SLC38A6: variants seen among roughly 807,000 people sequenced by gnomAD.
SLC38A6 encodes solute carrier family 38 member 6.
A neutral mutation model predicts 65.0 loss-of-function variants in SLC38A6; 73 were observed. That is an observed-to-expected ratio of 1.12 (90% CI 0.93 to 1.37). SLC38A6 has a LOEUF of 1.37. Among genes scored for constraint, SLC38A6 ranks in the 40% most tolerant of loss-of-function variants. The pLI, the probability that SLC38A6 is intolerant of heterozygous loss-of-function variation, is 0.00. For synonymous variants in SLC38A6, 183 were observed against 178.8 expected (o/e 1.02, Z -0.19); for missense variants, 561 against 531.1 (o/e 1.06, Z -0.55).
In SLC38A6 at chr14:61,077,929, G is replaced by A. The variant is rs892276165; in HGVS notation, c.1291-881G>A. Among the ~76,000 whole-genome samples, 8 of 152,168 alleles carry A rather than the reference G, an allele frequency of 5.3e-5. No homozygotes were observed. In the East Asian group the frequency reaches 7.7e-4, roughly 15 times the overall value. On this transcript the variant is annotated intron_variant, in intron 15 of 16. Coordinates refer to the SLC38A6 transcript ENST00000354886. ...TAGCAATCTAGAACTTTATTCTGGC[G>A]AGAGCAAATTCTCAAATTATATTTC...
rs534919958 is a variant in SLC38A6 at position 61,029,422 on chromosome 14, CTT to C, written c.404-1021_404-1020del. 5.1e-4 allele frequency among the ~76,000 whole-genome samples: 78 copies of C among 152,202 alleles called. 1 individual carries two copies. In the East Asian group the frequency reaches 0.013, roughly 25 times the overall value. ...CGCCCGCCTTGGCCTCCCAAACACT[CTT>C]TGTTCTTCATGGGCGTTTCCTTTTT... On this transcript the variant is annotated intron_variant, in intron 5 of 15. Coordinates refer to ENST00000267488, the MANE Select transcript of SLC38A6 (RefSeq NM_153811.3).
chr14:61,044,053 T>A (rs1407152561), intron 10 of SLC38A6, among the ~76,000 whole-genome samples: 1 of 152,112 alleles, frequency 6.6e-6, no homozygotes, highest in Non-Finnish European at 1.5e-5. Context: ...ATACTGGAAA[T>A]GCCTGTAAGA....
chr14:61,008,851 T>G (rs1304705071), intron 3 of SLC38A6, among the ~76,000 whole-genome samples: 1 of 152,212 alleles, frequency 6.6e-6, no homozygotes, highest in African/African-American at 2.4e-5. Flanking sequence ...CATACATTTA[T>G]ACTTTAACTT....
rs1171117426 is a variant in SLC38A6, at chr14:61,045,202, C to G, written c.745-144C>G. 4 of 576,292 alleles carry G rather than the reference C, an allele frequency of 6.9e-6. No homozygotes were observed. The African/African-American group carries it at 7.6e-5, about 11-fold the overall frequency. The allele number at this position is 576,292 out of a possible 1,614,324, so 35.7% of individuals were successfully genotyped here. On this transcript the variant is annotated intron_variant, in intron 10 of 15. Coordinates refer to ENST00000267488, the MANE Select transcript of SLC38A6 (RefSeq NM_153811.3). ...AAGTGTTTTTCTCTTTTAAAAAATT[C>G]TTATTTTATAAAGAGAAGACTCATT... is the stretch of plus-strand genomic sequence containing the variant.
At chr14:61,031,865 A>C (rs1191430769) in intron 6 of SLC38A6, among the ~76,000 whole-genome samples, 1 of 151,962 alleles carries the variant, frequency 6.6e-6, no homozygotes, top group African/African-American at 2.4e-5. Flanking sequence ...TATGTGTTCT[A>C]TCCATTTAAT....
At chr14:61,045,296 T>C in intron 10 of SLC38A6, 50 bp from the exon 11 acceptor site, 1 of 1,171,634 alleles carries the variant, frequency 8.5e-7, no homozygotes, top group Non-Finnish European at 1.3e-6. Context: ...GAAATAATGG[T>C]TTCAGTAGAG....
chr14:60,982,345 G>GAAGGA (rs1191508101), intron 1 of SLC38A6, 163 bp from the exon 2 acceptor site: 2 of 824,888 alleles, frequency 2.4e-6, no homozygotes, highest in Non-Finnish European at 4.0e-6. Context: ...TGGGAGGTGG[G>GAAGGA]AAGGAAAGGA....
intron 8 of SLC38A6, among the ~76,000 whole-genome samples, chr14:61,039,304 G>A (rs1357473004): frequency 6.6e-6 from 1 of 152,010 alleles, no homozygotes; most frequent in Non-Finnish European, 1.5e-5. Context: ...TCTACAGTGG[G>A]GCAATGAAGA....
intron 3 of SLC38A6, among the ~76,000 whole-genome samples, chr14:61,009,840 A>T (rs1274988774): frequency 6.6e-6 from 1 of 152,244 alleles, no homozygotes; most frequent in African/African-American, 2.4e-5. Flanking sequence ...CACAGTAAAC[A>T]TACGTGTGCC....
intron 16 of SLC38A6, among the ~76,000 whole-genome samples, chr14:61,082,222 C>T (rs1364434601): frequency 6.6e-5 from 10 of 152,170 alleles, no homozygotes. Flanking sequence ...CACCCCATCC[C>T]CTGCTGTTGT....
At chr14:61,034,928 G>A (rs1454784766) in intron 6 of SLC38A6, among the ~76,000 whole-genome samples, 1 of 152,156 alleles carries the variant, frequency 6.6e-6, no homozygotes, top group Admixed American at 6.6e-5. Flanking sequence ...TGTTAAAGAG[G>A]AAGTTGTCAG....
rs2040932621 is a variant in SLC38A6, at chr14:61,030,762, C to T, written c.482+239C>T. 8.9e-6 allele frequency: 3 copies of T among 338,936 alleles called. No homozygotes were observed. The South Asian group carries it at 1.4e-4, about 15-fold the overall frequency. The allele number at this position is 338,936 out of a possible 1,614,324, so 21.0% of individuals were successfully genotyped here. A position where few individuals can be genotyped will look rare whatever the true frequency, so the allele number is the denominator to read the frequency against. ...TATGAAGCACCAGATATAATCCTTG[C>T]ATTCCTTGGGGGTGTGAGATAGGCT... On this transcript the variant is annotated intron_variant, in intron 6 of 15. Coordinates refer to ENST00000267488, the MANE Select transcript of SLC38A6 (RefSeq NM_153811.3).
At chr14:61,061,141 C>T (rs2042824630) in intron 15 of SLC38A6, among the ~76,000 whole-genome samples, 1 of 152,152 alleles carries the variant, frequency 6.6e-6, no homozygotes, top group Non-Finnish European at 1.5e-5. Flanking sequence ...CATCTTGGCT[C>T]CTCCCCCAAG....
intron 12 of SLC38A6, among the ~76,000 whole-genome samples, chr14:61,049,948 C>T (rs1377367950): frequency 6.6e-6 from 1 of 152,118 alleles, no homozygotes; most frequent in African/African-American, 2.4e-5. Flanking sequence ...TAAGACATTT[C>T]CCTAACACTT....
intron 5 of SLC38A6, among the ~76,000 whole-genome samples, chr14:61,028,946 G>T (rs1370160368): frequency 6.6e-6 from 1 of 151,976 alleles, no homozygotes; most frequent in East Asian, 1.9e-4. Context: ...ATGAAGTTCA[G>T]CTCCTTTCAA....
chr14:60,986,277 G>A (rs557562068), intron 3 of SLC38A6, among the ~76,000 whole-genome samples: 1 of 152,308 alleles, frequency 6.6e-6, no homozygotes, highest in East Asian at 1.9e-4. Context: ...AGAGCTCTAA[G>A]CCTCAGGGAT....
chr14:61,030,256 T>C (rs1018305246), intron 5 of SLC38A6, among the ~76,000 whole-genome samples, 189 bp from the exon 6 acceptor site: 1 of 130,158 alleles, frequency 7.7e-6, no homozygotes, highest in African/African-American at 2.8e-5. Flanking sequence ...TCTCTACAGT[T>C]ACTTTTCTGT....
chr14:61,008,221 C>T (rs1044601183), intron 3 of SLC38A6, among the ~76,000 whole-genome samples: 4 of 152,024 alleles, frequency 2.6e-5, no homozygotes, highest in Admixed American at 1.3e-4. Context: ...TTTCCAAATT[C>T]GTTGATCAAT....
At chr14:61,046,254 A>G (rs2042142407) in intron 12 of SLC38A6, 87 bp downstream of exon 12, 3 of 826,406 alleles carry the variant, frequency 3.6e-6, no homozygotes, top group Admixed American at 2.6e-5. Context: ...TATGCCTTTT[A>G]TTACTAAGTT....
Sources: allele counts gnomAD v4.1 joint callset (sites outside exome capture counted in the v4.1 genomes callset), GRCh38; gene constraint gnomAD v4.1.1; transcripts MANE v1.5; gene names NCBI Gene and HGNC (gene_info 2026-07-23, HGNC 2026-07-21).